The following ZNF345 variants were observed in gnomAD, a reference collection of about 807,000 sequenced individuals.
ZNF345 encodes the protein zinc finger protein HZF10.
For missense variants in ZNF345, 527 were observed against 589.9 expected, an observed-to-expected ratio of 0.89 and a Z score of 1.10; for synonymous variants, 166 against 187.9, an observed-to-expected ratio of 0.88 and a Z score of 0.95.
chr19:36,874,280 G>A (rs138507261), intron 2 of ZNF345, among the ~76,000 whole-genome samples: 1,745 of 151,982 alleles, frequency 0.011, 39 homozygotes, highest in African/African-American at 0.04. Flanking sequence ...GATCACTTGA[G>A]GTCAAGAGTT....
chr19:36,868,737 T>C (rs2072715029), intron 2 of ZNF345, among the ~76,000 whole-genome samples: 1 of 150,302 alleles, frequency 6.7e-6, no homozygotes, highest in African/African-American at 2.4e-5. Flanking sequence ...ACAATTCTCC[T>C]GCCTCAGGCT....
At chr19:36,874,301 C>CTGG (rs2072833419) in intron 2 of ZNF345, among the ~76,000 whole-genome samples, 1 of 152,062 alleles carries the variant, frequency 6.6e-6, no homozygotes, top group South Asian at 2.1e-4. Context: ...CGAGACCAGC[C>CTGG]TGGCCAATAT....
intron 2 of ZNF345, among the ~76,000 whole-genome samples, chr19:36,866,077 G>T (rs1474251410): frequency 2.6e-5 from 4 of 151,848 alleles, no homozygotes; most frequent in African/African-American, 9.7e-5. Flanking sequence ...TATTTAGGGT[G>T]TGTGTGTGTG....
At chr19:36,874,380 G>A (rs574174212) in intron 2 of ZNF345, among the ~76,000 whole-genome samples, 1 of 152,132 alleles carries the variant, frequency 6.6e-6, no homozygotes, top group African/African-American at 2.4e-5. Flanking sequence ...TGCAATCCCA[G>A]CTGTTTGGGA....
chr19:36,865,230 T>C (rs931028713), intron 2 of ZNF345, among the ~76,000 whole-genome samples: 1 of 152,182 alleles, frequency 6.6e-6, no homozygotes, highest in Non-Finnish European at 1.5e-5. Flanking sequence ...CATCCACTAC[T>C]GGCAAAGCTT....
chr19:36,874,434 C>CTATTCT, intron 2 of ZNF345, among the ~76,000 whole-genome samples: 1 of 148,846 alleles, frequency 6.7e-6, no homozygotes, highest in Admixed American at 6.7e-5. Context: ...GCAGAGGTTG[C>CTATTCT]AGTGAGCTGA....
downstream of ZNF345, among the ~76,000 whole-genome samples, chr19:36,883,930 G>A (rs1361011588): frequency 6.6e-6 from 1 of 152,154 alleles, no homozygotes; most frequent in Non-Finnish European, 1.5e-5. Flanking sequence ...CCAGGCACAA[G>A]TTCAGAGGTT....
chr19:36,886,773 G>A (rs968391791), intron 3 of ZNF345, among the ~76,000 whole-genome samples: 1 of 151,786 alleles, frequency 6.6e-6, no homozygotes, highest in Non-Finnish European at 1.5e-5. Flanking sequence ...GGATCACGAG[G>A]TCAGGAGATC....
intron 2 of ZNF345, among the ~76,000 whole-genome samples, chr19:36,868,792 A>AT (rs2072716874): frequency 2.0e-5 from 3 of 150,994 alleles, no homozygotes; most frequent in Admixed American, 1.3e-4. Flanking sequence ...CGCCCAGCTA[A>AT]TTTTTTTACT....
In ZNF345 at chr19:36,872,324, T is replaced by C. The variant is rs1227582736; in HGVS notation, c.-46-4461T>C. ...GGATGTTTGTCCCCTCCGAATCTTA[T>C]GTTGAAATTTTCCCCCCATTGTTGG... On this transcript the variant is annotated intron_variant, in intron 2 of 2. Transcript: ENST00000420450. Among the ~76,000 whole-genome samples the C allele has an allele frequency of 2.0e-5, 3 of 152,186 alleles. No individual in the cohort carries two copies. The East Asian group carries it at 5.8e-4, about 29-fold the overall frequency.
Position 36,877,419 on chromosome 19 carries a change from A to G in ZNF345, c.589A>G (p.Thr197Ala). The change falls in exon 3 of 3, where the codon ACA becomes GCA. Residue 197 changes from threonine (T) to alanine (A), a missense_variant. Coordinates refer to ENST00000420450, the MANE Select transcript of ZNF345 (RefSeq NM_001242472.2). ...SALIRHHRIHTGEKPYECIDC... is the reference protein window; with the variant it reads ...SALIRHHRIHAGEKPYECIDC... ...CCTTATTCGGCATCACAGAATTCAC[A>G]CAGGTGAGAAACCTTATGAATGTAT... is the stretch of plus-strand genomic sequence containing the variant. The G allele has an allele frequency of 6.2e-7, 1 of 1,614,170 alleles. No individual in the cohort carries two copies. The highest frequency in any genetic ancestry group is 8.5e-7 in the Non-Finnish European group (1 of 1,180,014).
intron 2 of ZNF345, among the ~76,000 whole-genome samples, chr19:36,856,494 C>T (rs746799297): frequency 7.9e-5 from 12 of 151,884 alleles, no homozygotes; most frequent in South Asian, 4.2e-4. Flanking sequence ...TCTGTGCTTC[C>T]GCCTGAACCA....
chr19:36,868,515 A>G (rs2072708531), intron 2 of ZNF345, among the ~76,000 whole-genome samples: 1 of 152,092 alleles, frequency 6.6e-6, no homozygotes. Context: ...TAGCTTTATA[A>G]TAGTAAGTTT....
At chr19:36,886,744 T>C (rs1387457471) in intron 3 of ZNF345, among the ~76,000 whole-genome samples, 1 of 151,378 alleles carries the variant, frequency 6.6e-6, no homozygotes, top group Non-Finnish European at 1.5e-5. Flanking sequence ...TCCCAGCACT[T>C]TGGGAGGCCG....
intron 3 of ZNF345, chr19:36,891,560 TAC>T (rs762238694): frequency 3.7e-6 from 6 of 1,610,972 alleles, no homozygotes; most frequent in East Asian, 4.5e-5. Flanking sequence ...CCACATTCCT[TAC>T]AGTCATAGGG....
downstream of ZNF345, among the ~76,000 whole-genome samples, chr19:36,881,072 A>G (rs1201338138): frequency 2.0e-5 from 3 of 152,242 alleles, no homozygotes; most frequent in Non-Finnish European, 4.4e-5. Flanking sequence ...TTTTGAAAAC[A>G]AAAATAGTAG....
At chr19:36,862,940 A>T (rs2072583460) in intron 2 of ZNF345, 1 of 152,164 alleles carries the variant, frequency 6.6e-6, no homozygotes, top group South Asian at 2.1e-4. Flanking sequence ...ACACACAGAG[A>T]GATGCCAAGG....
chr19:36,865,546 CA>C (rs570034194), intron 2 of ZNF345, among the ~76,000 whole-genome samples: 89 of 152,222 alleles, frequency 5.8e-4, no homozygotes, highest in Non-Finnish European at 1.1e-3. Context: ...CTGCAACCTC[CA>C]CCTCCCAGGT....
chr19:36,882,393 G>A (rs1405463712), downstream of ZNF345, among the ~76,000 whole-genome samples: 1 of 151,912 alleles, frequency 6.6e-6, no homozygotes, highest in Non-Finnish European at 1.5e-5. Context: ...TCAGCCTCCT[G>A]AGTAGCTGGG....
Sources: allele counts gnomAD v4.1 joint callset (sites outside exome capture counted in the v4.1 genomes callset), GRCh38; gene constraint gnomAD v4.1.1; transcripts MANE v1.5; gene names NCBI Gene and HGNC (gene_info 2026-07-23, HGNC 2026-07-21).